MCF2L2: variants seen among roughly 807,000 people sequenced by gnomAD.
MCF2L2 encodes probable guanine nucleotide exchange factor MCF2L2.
Under a neutral mutation model 150.2 loss-of-function variants are expected in MCF2L2, and 102 were observed. The ratio of observed to expected loss-of-function variants is 0.68; its 90% CI spans 0.58 to 0.80. The LOEUF (loss-of-function observed/expected upper bound fraction) is 0.80. Among genes scored for constraint, MCF2L2 ranks in the 30% least tolerant of loss-of-function variants. MCF2L2 has a pLI of 0.00. For missense variants in MCF2L2, 1,256 were observed against 1,372.8 expected (o/e 0.91, Z 1.34); for synonymous variants, 465 against 491.3 (o/e 0.95, Z 0.71).
intron 3 of MCF2L2, among the ~76,000 whole-genome samples, chr3:183,369,090 A>C (rs1560043666): frequency 6.6e-6 from 1 of 152,208 alleles, no homozygotes; most frequent in Admixed American, 6.5e-5. Flanking sequence ...AAATAGTGTA[A>C]GCTGAAAATA....
chr3:183,227,458 A>G lies in MCF2L2; in HGVS notation c.2115+839T>C, dbSNP rs531480730. On this transcript the variant is annotated intron_variant, in intron 18 of 29. Coordinates refer to ENST00000328913, the MANE Select transcript of MCF2L2 (RefSeq NM_015078.4). This position sits in a 1 kb window ranked among gnomAD's most constrained non-coding sequence, Gnocchi z 4.0. ...GAGGCTGTAGATTTAGAATTTTCGA[A>G]TCATCCTCTATGTTGTAAAAAATAG... is the stretch of plus-strand genomic sequence containing the variant. The G allele has an allele frequency of 4.4e-4, 67 of 152,352 alleles. No individual in the cohort carries two copies. Among genetic ancestry groups the G allele is most frequent in the African/African-American group, 1.6e-3 (66 of 41,582 alleles). 9.4% of individuals were successfully genotyped at this position (152,352 alleles called of 1,614,324 possible).
At chr3:183,390,186 C>A (rs1181341654) in intron 1 of MCF2L2, among the ~76,000 whole-genome samples, 1 of 152,176 alleles carries the variant, frequency 6.6e-6, no homozygotes, top group East Asian at 1.9e-4. Context: ...CCTTTCAAAA[C>A]AGGTCATAAA....
intron 3 of MCF2L2, among the ~76,000 whole-genome samples, chr3:183,347,026 T>C (rs1030247479): frequency 3.3e-5 from 5 of 152,250 alleles, no homozygotes; most frequent in South Asian, 4.1e-4. Context: ...CAAGCTGCCA[T>C]TGACTTTCTT....
At chr3:183,247,594 T>G (rs1576956946) in intron 15 of MCF2L2, among the ~76,000 whole-genome samples, 2 of 152,320 alleles carry the variant, frequency 1.3e-5, no homozygotes, top group African/African-American at 4.8e-5. Context: ...GTGAAACAAT[T>G]ATAGTCAGTC....
chr3:183,232,804 T>G (rs888530755), intron 15 of MCF2L2, among the ~76,000 whole-genome samples: 6 of 152,224 alleles, frequency 3.9e-5, no homozygotes, highest in African/African-American at 1.2e-4. Flanking sequence ...TCTATTAGAA[T>G]ATTAAACATT....
intron 3 of MCF2L2, among the ~76,000 whole-genome samples, chr3:183,351,202 A>ATATATG (rs1731107627): frequency 1.5e-5 from 1 of 66,110 alleles, no homozygotes. Context: ...ATATATATAT[A>ATATATG]TATATATATA....
intron 3 of MCF2L2, among the ~76,000 whole-genome samples, chr3:183,350,295 G>C (rs1731061278): frequency 6.9e-6 from 1 of 145,528 alleles, no homozygotes; most frequent in African/African-American, 2.7e-5. Flanking sequence ...AGTAATGACT[G>C]CTGGGGTGGG....
chr3:183,241,884 A>C (rs181190734), intron 15 of MCF2L2, among the ~76,000 whole-genome samples: 22 of 152,336 alleles, frequency 1.4e-4, no homozygotes, highest in Admixed American at 9.8e-4. Flanking sequence ...GCTGATAGTG[A>C]TATGGGCAAT....
intron 15 of MCF2L2, among the ~76,000 whole-genome samples, chr3:183,233,576 G>A (rs1216073370): frequency 6.6e-6 from 1 of 152,056 alleles, no homozygotes. Context: ...GACTATTTGT[G>A]TAAAAAATGA....
At position 183,311,693 on chromosome 3, in the gene MCF2L2, C is replaced by T. The variant is rs1249182379; in HGVS notation, c.833G>A (p.Ser278Asn). ...CTCAAGTTGGTTGAGATTGAGTTTG[C>T]TGTTGGGACATTTGGTTGCTGGTTC... ...IQEPATKCPN[S>N]KLNLNQLENV... Residue 278 changes from serine (S) to asparagine (N), a missense_variant, in exon 8 of 30, where the codon AGC (serine) becomes AAC (asparagine). Transcript: ENST00000328913. The T allele has an allele frequency of 5.6e-6, 9 of 1,614,004 alleles. No individual in the cohort carries two copies. The highest frequency in any genetic ancestry group is 6.8e-6 in the Non-Finnish European group (8 of 1,179,996).
intron 1 of MCF2L2, among the ~76,000 whole-genome samples, chr3:183,411,038 C>T (rs950073243): frequency 1.3e-5 from 2 of 152,176 alleles, no homozygotes; most frequent in African/African-American, 4.8e-5. Flanking sequence ...GCTTGGAGAG[C>T]ACTCAGCACA....
chr3:183,327,691 G>A (rs1730107729), intron 5 of MCF2L2, among the ~76,000 whole-genome samples: 1 of 152,128 alleles, frequency 6.6e-6, no homozygotes, highest in Non-Finnish European at 1.5e-5. Context: ...TTCTTTTAGA[G>A]AGCCTCTCCC....
rs894860071 is a variant in MCF2L2, at chr3:183,283,600, C to A, written c.1776+5520G>T. 2.2e-4 allele frequency among the ~76,000 whole-genome samples: 34 copies of A among 152,114 alleles called. No individual in the cohort carries two copies. The highest frequency in any genetic ancestry group is 5.9e-4 in the Admixed American group (9 of 15,270). ...GCAGTGGCACCATCTTGGCTCACTG[C>A]ACCCTCTGCCTCCCAGGTTCAAGTG... On this transcript the variant is annotated intron_variant, in intron 14 of 29. Coordinates refer to ENST00000328913, the MANE Select transcript of MCF2L2 (RefSeq NM_015078.4). The surrounding 1 kb of genome is among the most constrained non-coding windows in gnomAD (Gnocchi z 4.2).
At chr3:183,370,106 G>A (rs1267280874) in intron 3 of MCF2L2, among the ~76,000 whole-genome samples, 2 of 152,102 alleles carry the variant, frequency 1.3e-5, no homozygotes, top group Admixed American at 6.5e-5. Context: ...GCAGGTCCCC[G>A]GTGAAACCCC....
intron 18 of MCF2L2, chr3:183,224,872 GGTATCAAAGAC>G (rs1723288297): frequency 6.6e-6 from 1 of 152,294 alleles, no homozygotes; most frequent in Non-Finnish European, 1.5e-5. Context: ...GTATTCTCAT[GGTATCAAAGAC>G]GCTGAGAGGT....
chr3:183,348,774 T>G (rs1051896816), intron 3 of MCF2L2, among the ~76,000 whole-genome samples: 1 of 151,448 alleles, frequency 6.6e-6, no homozygotes, highest in East Asian at 1.9e-4. Context: ...TCGGCAGAGA[T>G]AAGTTATTCA....
chr3:183,324,194 G>A (rs1053828602), intron 5 of MCF2L2, among the ~76,000 whole-genome samples: 1 of 152,224 alleles, frequency 6.6e-6, no homozygotes, highest in East Asian at 1.9e-4. Context: ...AGCTTGCACT[G>A]AGGGGATCTG....
At chr3:183,216,145 G>C in intron 21 of MCF2L2, 51 bp from the exon 22 acceptor site, 1 of 1,597,366 alleles carries the variant, frequency 6.3e-7, no homozygotes, top group Admixed American at 1.7e-5. Context: ...CATCTGCAAA[G>C]TGAAGAAGGA....
At chr3:183,425,938 A>G (rs1716141514) in intron 1 of MCF2L2, among the ~76,000 whole-genome samples, 1 of 151,048 alleles carries the variant, frequency 6.6e-6, no homozygotes, top group South Asian at 2.1e-4. Context: ...CTGGGCAACA[A>G]GAGCGAAACT....
Sources: gnomAD v4.1 joint callset for allele counts (sites outside exome capture counted in the v4.1 genomes callset) on GRCh38, gnomAD v4.1.1 for gene constraint, Gnocchi (gnomAD v3.1) non-coding constraint, MANE v1.5 for transcripts, NCBI Gene and HGNC (gene_info 2026-07-23, HGNC 2026-07-21) for gene names.